The following KCNJ12 variants were observed in gnomAD, a reference collection of about 807,000 sequenced individuals.
KCNJ12 encodes the protein potassium inwardly rectifying channel subfamily J member 12.
A neutral mutation model predicts 22.3 loss-of-function variants in KCNJ12; 2 were observed. That is an observed-to-expected ratio of 0.09 (90% confidence interval 0.04 to 0.28). The LOEUF (loss-of-function observed/expected upper bound fraction) is 0.28, where lower values mean the gene tolerates loss of function less well. Ranked by LOEUF, KCNJ12 falls within the 10% of genes least tolerant of loss-of-function variation. The pLI is 1.00. For missense variants in KCNJ12, 155 were observed against 633.3 expected (o/e 0.24, Z 8.11); for synonymous variants, 117 against 261.4 (o/e 0.45, Z 5.33).
In KCNJ12 at chr17:21,412,015, C is replaced by T. The variant is rs1304105216; in HGVS notation, c.-56-3272C>T. Among the ~76,000 whole-genome samples, 15 of 150,896 alleles carry T rather than the reference C, an allele frequency of 9.9e-5. No individual in the cohort carries two copies. The South Asian group carries it at 2.7e-3, about 27-fold the overall frequency. ...CCCAGCACCCCTGGGGAGGGTTTCTCTCTCTCTCTCTCTCACACACACACA... is the reference window on the plus strand; with the variant it reads ...CCCAGCACCCCTGGGGAGGGTTTCTTTCTCTCTCTCTCTCACACACACACA... On this transcript the variant is annotated intron_variant, in intron 2 of 2. Coordinates refer to ENST00000583088, the MANE Select transcript of KCNJ12 (RefSeq NM_021012.5).
At chr17:21,396,430 C>T (rs1905365445) in intron 1 of KCNJ12, among the ~76,000 whole-genome samples, 1 of 152,214 alleles carries the variant, frequency 6.6e-6, no homozygotes, top group Non-Finnish European at 1.5e-5. Flanking sequence ...TGCACAGGTC[C>T]TGCCAGGCAG....
chr17:21,391,977 C>T (rs1355073217), intron 1 of KCNJ12, among the ~76,000 whole-genome samples: 2 of 152,240 alleles, frequency 1.3e-5, no homozygotes, highest in African/African-American at 2.4e-5. Flanking sequence ...TGGGGCTCCT[C>T]ATCTGAAAGT....
intron 1 of KCNJ12, among the ~76,000 whole-genome samples, chr17:21,397,723 C>T (rs142955434): frequency 6.0e-4 from 91 of 152,284 alleles, no homozygotes; most frequent in Middle Eastern, 3.4e-3. Flanking sequence ...CCTGCCCCCA[C>T]GACTCTGGGA....
At position 21,416,695 on chromosome 17, in the gene KCNJ12, G is replaced by A. The variant is rs781872566; in HGVS notation, c.*51G>A. The A allele has an allele frequency of 1.4e-5, 21 of 1,517,530 alleles. No individual in the cohort carries two copies. The highest frequency in any genetic ancestry group is 4.4e-5 in the Admixed American group (2 of 45,722). 94.0% of individuals were successfully genotyped at this position (1,517,530 alleles called of 1,614,324 possible). On this transcript the variant is annotated 3_prime_UTR_variant, in exon 3 of 3. Coordinates refer to ENST00000583088, the MANE Select transcript of KCNJ12 (RefSeq NM_021012.5). ...CCACCCCCGGCTGGGGAGAGGCCCC[G>A]CGGTCGCTCAGGGGCCCCGGGTTTG... is the stretch of plus-strand genomic sequence containing the variant.
intron 1 of KCNJ12, among the ~76,000 whole-genome samples, chr17:21,388,521 A>G (rs1032902941): frequency 1.3e-5 from 2 of 152,122 alleles, no homozygotes; most frequent in Non-Finnish European, 2.9e-5. Flanking sequence ...GTGGCTCCCA[A>G]CTGCCGCCAG....
At chr17:21,395,073 G>C (rs939696282) in intron 1 of KCNJ12, among the ~76,000 whole-genome samples, 1 of 152,096 alleles carries the variant, frequency 6.6e-6, no homozygotes, top group African/African-American at 2.4e-5. Flanking sequence ...TGAGGCAGGA[G>C]GATTACTTGA....
chr17:21,382,195 G>A lies in KCNJ12; in HGVS notation c.-179+5282G>A, dbSNP rs16962128. Reference sequence around the variant, plus strand: ...ACTGCTTCAAGCTCCAAGCCCTGTTGTGTCCTCTAGCACTTGGCCTGCTTC... The same window carrying A: ...ACTGCTTCAAGCTCCAAGCCCTGTTATGTCCTCTAGCACTTGGCCTGCTTC... On this transcript the variant is annotated intron_variant, in intron 1 of 2. Coordinates refer to ENST00000583088, the MANE Select transcript of KCNJ12 (RefSeq NM_021012.5). 6.1e-3 allele frequency among the ~76,000 whole-genome samples: 930 copies of A among 152,302 alleles called. 6 individuals are homozygous for A. Among genetic ancestry groups the A allele is most frequent in the African/African-American group, 0.021 (877 of 41,556 alleles).
intron 2 of KCNJ12, among the ~76,000 whole-genome samples, chr17:21,411,001 G>A: frequency 6.6e-6 from 1 of 152,310 alleles, no homozygotes; most frequent in Admixed American, 6.5e-5. Context: ...TCTGCATGGG[G>A]GATGGGGGCT....
chr17:21,386,734 T>C (rs1905082587), intron 1 of KCNJ12, among the ~76,000 whole-genome samples: 1 of 152,092 alleles, frequency 6.6e-6, no homozygotes, highest in South Asian at 2.1e-4. Flanking sequence ...TCTCGATCTC[T>C]TGACCTTGTG....
chr17:21,400,868 G>T (rs2885982), intron 1 of KCNJ12, among the ~76,000 whole-genome samples: 3 of 152,142 alleles, frequency 2.0e-5, no homozygotes, highest in Admixed American at 1.3e-4. Flanking sequence ...TGTTGCTTAT[G>T]AGCGCCCTAA....
intron 1 of KCNJ12, among the ~76,000 whole-genome samples, chr17:21,380,847 A>T (rs563458005): frequency 3.6e-5 from 2 of 55,260 alleles, no homozygotes; most frequent in Admixed American, 2.9e-4. Context: ...TGGGCCCCAG[A>T]TGGCAGTGGG....
intron 1 of KCNJ12, among the ~76,000 whole-genome samples, chr17:21,384,181 C>G (rs958423141): frequency 6.6e-6 from 1 of 152,164 alleles, no homozygotes; most frequent in African/African-American, 2.4e-5. Flanking sequence ...ATGGCGTCCC[C>G]TGCACTATGC....
chr17:21,393,311 G>A (rs534622695), intron 1 of KCNJ12, among the ~76,000 whole-genome samples: 2 of 152,286 alleles, frequency 1.3e-5, no homozygotes, highest in East Asian at 3.9e-4. Flanking sequence ...GGCTCTGGCG[G>A]ATGGGGCAGC....
At chr17:21,392,855 A>T (rs935176496) in intron 1 of KCNJ12, among the ~76,000 whole-genome samples, 2 of 152,334 alleles carry the variant, frequency 1.3e-5, no homozygotes, top group South Asian at 2.1e-4. Flanking sequence ...GCCTGCAGGC[A>T]TAGGCCATAT....
intron 1 of KCNJ12, among the ~76,000 whole-genome samples, chr17:21,378,336 C>G (rs1173713387): frequency 6.6e-6 from 1 of 152,216 alleles, no homozygotes; most frequent in Admixed American, 6.5e-5. Context: ...GGGGTACTCC[C>G]TTCTGTATTC....
At chr17:21,396,499 TGAG>T (rs1905368225) in intron 1 of KCNJ12, among the ~76,000 whole-genome samples, 1 of 152,100 alleles carries the variant, frequency 6.6e-6, no homozygotes, top group East Asian at 1.9e-4. Context: ...ATCTGACAAA[TGAG>T]GACACCGAGG....
chr17:21,411,123 TGC>T (rs1712463422), intron 2 of KCNJ12, among the ~76,000 whole-genome samples: 1 of 152,310 alleles, frequency 6.6e-6, no homozygotes, highest in Non-Finnish European at 1.5e-5. Context: ...GTCCAGGCCT[TGC>T]CCTGAGCTCC....
rs781934616 is a variant in KCNJ12 at position 21,415,984 on chromosome 17, T to G, written c.642T>G (p.Arg214=). ...ACGGCAAGCTCTGCCTCATGTGGCGTGTGGGTAACCTGCGCAAGAGCCACA... is the reference window on the plus strand; with the variant it reads ...ACGGCAAGCTCTGCCTCATGTGGCGGGTGGGTAACCTGCGCAAGAGCCACA... ...LRDGKLCLMW[R]VGNLRKSHIV... Residue 214 remains arginine, a synonymous_variant, in exon 3 of 3, where the codon CGT becomes CGG. Transcript: ENST00000583088. 3.1e-6 allele frequency: 5 copies of G among 1,611,260 alleles called. No individual in the cohort carries two copies. The South Asian group carries it at 5.5e-5, about 18-fold the overall frequency.
intron 2 of KCNJ12, among the ~76,000 whole-genome samples, 183 bp downstream of exon 2, chr17:21,408,823 G>A (rs578067533): frequency 2.1e-4 from 29 of 137,604 alleles, no homozygotes; most frequent in African/African-American, 7.1e-4. Flanking sequence ...CCATCCCCTC[G>A]CCCATGCCAT....
Sources: allele counts gnomAD v4.1 joint callset (sites outside exome capture counted in the v4.1 genomes callset), GRCh38; gene constraint gnomAD v4.1.1; transcripts MANE v1.5; gene names NCBI Gene and HGNC (gene_info 2026-07-23, HGNC 2026-07-21).